MON2: variants seen among roughly 807,000 people sequenced by gnomAD.
MON2 encodes MON2 regulator of endosome-to-Golgi trafficking, also known as protein MON2 homolog.
MON2 carries 84 observed loss-of-function variants against 208.6 expected under a neutral mutation model. The ratio of observed to expected loss-of-function variants is 0.40; its 90% CI spans 0.34 to 0.48. The LOEUF (loss-of-function observed/expected upper bound fraction) is 0.48, where lower values mean the gene tolerates loss of function less well. Among genes scored for constraint, MON2 ranks in the 20% least tolerant of loss-of-function variants. The probability of loss-of-function intolerance (pLI) is 0.59; values close to 1 mark genes in which losing one functional copy is unlikely to be tolerated. For missense variants in MON2, 1,611 were observed against 2,015.4 expected (o/e 0.80, Z 3.84); for synonymous variants, 660 against 694.0 (o/e 0.95, Z 0.77).
chr12:62,535,645 C>T lies in MON2; in HGVS notation c.1836C>T (p.Ser612=). ...DAFITAICKG[S]LPPHYALTVL... Reference sequence around the variant, plus strand: ...TTATAACTGCAATATGCAAAGGTTCCCTGCCTCCCCATTATGCTCTTACTG... The same window carrying T: ...TTATAACTGCAATATGCAAAGGTTCTCTGCCTCCCCATTATGCTCTTACTG... Residue 612 remains serine (S), a synonymous_variant, in exon 14 of 35, where the codon TCC becomes TCT. Coordinates refer to ENST00000393630, the MANE Select transcript of MON2 (RefSeq NM_015026.3). The T allele has an allele frequency of 6.2e-7, 1 of 1,613,584 alleles. No homozygotes were observed. The highest frequency in any genetic ancestry group is 8.5e-7 in the Non-Finnish European group (1 of 1,179,768).
intron 13 of MON2, 139 bp from the exon 14 acceptor site, chr12:62,535,386 C>G: frequency 1.5e-6 from 1 of 666,238 alleles, no homozygotes. Context: ...AAAATTCCTT[C>G]TTAAGTATAT....
At chr12:62,480,726 G>A (rs1401567042) in intron 1 of MON2, among the ~76,000 whole-genome samples, 4 of 152,154 alleles carry the variant, frequency 2.6e-5, no homozygotes, top group Admixed American at 6.5e-5. Context: ...CATCTAGCAC[G>A]CTACAGGATG....
intron 1 of MON2, among the ~76,000 whole-genome samples, chr12:62,477,290 G>A (rs987491568): frequency 2.0e-5 from 3 of 152,088 alleles, no homozygotes; most frequent in African/African-American, 7.2e-5. Context: ...GTTTTGAGTG[G>A]ACATTTGTTA....
chr12:62,492,646 C>A (rs1450289172), intron 2 of MON2, among the ~76,000 whole-genome samples: 3 of 146,048 alleles, frequency 2.1e-5, no homozygotes, highest in Non-Finnish European at 3.0e-5. Context: ...GCTGGGATTA[C>A]AGGCGTGAGC....
intron 20 of MON2, 104 bp from the exon 21 acceptor site, chr12:62,544,794 A>G: frequency 6.5e-7 from 1 of 1,544,380 alleles, no homozygotes; most frequent in East Asian, 2.5e-5. Flanking sequence ...TTTTGGGTGT[A>G]ATTTTTCTTC....
chr12:62,479,849 C>G (rs933213440), intron 1 of MON2, among the ~76,000 whole-genome samples: 3 of 152,088 alleles, frequency 2.0e-5, no homozygotes, highest in South Asian at 2.1e-4. Flanking sequence ...TTATTAGGTT[C>G]CCTGCAGATA....
intron 1 of MON2, among the ~76,000 whole-genome samples, chr12:62,472,289 T>C (rs1284865076): frequency 6.6e-6 from 1 of 152,062 alleles, no homozygotes; most frequent in Non-Finnish European, 1.5e-5. Flanking sequence ...GGTGGGAATA[T>C]TGCATTTCAG....
intron 25 of MON2, among the ~76,000 whole-genome samples, chr12:62,556,455 T>C (rs7311623): frequency 0.76 from 115,320 of 152,062 alleles, 44,451 homozygotes; most frequent in African/African-American, 0.84. Context: ...TCTACAATGA[T>C]GTGTTACAAG....
chr12:62,562,695 A>G (rs2136356766), intron 26 of MON2, among the ~76,000 whole-genome samples: 1 of 152,234 alleles, frequency 6.6e-6, no homozygotes, highest in South Asian at 2.1e-4. Context: ...TTTATCCTTA[A>G]ACTAATAGTT....
At chr12:62,551,067 C>G (rs949187685) in intron 23 of MON2, among the ~76,000 whole-genome samples, 5 of 151,848 alleles carry the variant, frequency 3.3e-5, no homozygotes, top group Admixed American at 6.6e-5. Flanking sequence ...TTATAGGCGC[C>G]CGCCATGATG....
chr12:62,486,819 A>T (rs2136016057), intron 2 of MON2, among the ~76,000 whole-genome samples: 1 of 152,244 alleles, frequency 6.6e-6, no homozygotes, highest in Admixed American at 6.5e-5. Flanking sequence ...ACAATTGAGG[A>T]GTCTCAAATG....
At chr12:62,538,053 C>A in intron 16 of MON2, 43 bp from the exon 17 acceptor site, 1 of 1,540,426 alleles carries the variant, frequency 6.5e-7, no homozygotes, top group Non-Finnish European at 8.8e-7. Flanking sequence ...ACCTTTTATA[C>A]TTTTGTAAAG....
intron 7 of MON2, among the ~76,000 whole-genome samples, chr12:62,502,343 C>T (rs1465650354): frequency 6.6e-6 from 1 of 151,334 alleles, no homozygotes; most frequent in East Asian, 2.0e-4. Context: ...CAAGTTTGCA[C>T]TGAGCCGTGT....
chr12:62,566,218 A>G, intron 28 of MON2, 104 bp from the exon 29 acceptor site: 1 of 1,442,982 alleles, frequency 6.9e-7, no homozygotes, highest in Non-Finnish European at 9.4e-7. Flanking sequence ...CTGACCTAAA[A>G]CCAAGGCCTG....
At chr12:62,582,309 G>A (rs565982648) in intron 32 of MON2, among the ~76,000 whole-genome samples, 18 of 152,260 alleles carry the variant, frequency 1.2e-4, no homozygotes, top group African/African-American at 4.3e-4. Context: ...AAGGTGCATG[G>A]ACATTCTTTC....
chr12:62,589,503 G>C (rs986126505), intron 34 of MON2, among the ~76,000 whole-genome samples: 10 of 152,092 alleles, frequency 6.6e-5, no homozygotes, highest in African/African-American at 1.9e-4. Flanking sequence ...TAAATCTTAA[G>C]AGGCAGTACA....
Position 62,560,609 on chromosome 12 carries a change from G to T in MON2, c.3528G>T (p.Val1176=). ...LKSFQEILQI[V]SPVRDSDKPE... ...GCTTCCAGGAAATTTTACAGATTGT[G>T]TCCCCTGTCAGAGACTCAGATAAGC... The change falls in exon 26 of 35, where the codon GTG becomes GTT. Residue 1176 remains valine, a synonymous_variant. Transcript: ENST00000393630. 1 of 1,614,024 alleles carries T rather than the reference G, an allele frequency of 6.2e-7. No homozygotes were observed. Among genetic ancestry groups the T allele is most frequent in the Non-Finnish European group, 8.5e-7 (1 of 1,179,996 alleles).
At chr12:62,542,222 C>T (rs77270269) in intron 19 of MON2, among the ~76,000 whole-genome samples, 4,226 of 152,290 alleles carry the variant, frequency 0.028, 206 homozygotes, top group African/African-American at 0.095. Flanking sequence ...ACTTGGTTCA[C>T]TGGCTTCTGC....
chr12:62,556,912 C>CA (rs1565682045), intron 25 of MON2, among the ~76,000 whole-genome samples: 1 of 152,054 alleles, frequency 6.6e-6, no homozygotes, highest in Admixed American at 6.6e-5. Flanking sequence ...CTCATCTCTA[C>CA]AAAAATTTTT....
Sources: allele counts gnomAD v4.1 joint callset (sites outside exome capture counted in the v4.1 genomes callset), GRCh38; gene constraint gnomAD v4.1.1; transcripts MANE v1.5; gene names NCBI Gene and HGNC (gene_info 2026-07-23, HGNC 2026-07-21).